The following KCMF1 variants were observed in gnomAD, a reference collection of about 807,000 sequenced individuals.
KCMF1 encodes potassium channel modulatory factor 1, also known as E3 ubiquitin-protein ligase KCMF1.
KCMF1 carries 3 observed loss-of-function variants against 41.1 expected under a neutral mutation model. The ratio of observed to expected loss-of-function variants is 0.07; its 90% CI spans 0.03 to 0.19. KCMF1 has a LOEUF of 0.19. Ranked by LOEUF, KCMF1 falls within the 10% of genes least tolerant of loss-of-function variation. The pLI, the probability that KCMF1 is intolerant of heterozygous loss-of-function variation, is 1.00. For missense variants in KCMF1, 286 were observed against 488.9 expected, an observed-to-expected ratio of 0.58 and a Z score of 3.91; for synonymous variants, 142 against 164.5, an observed-to-expected ratio of 0.86 and a Z score of 1.04.
At chr2:84,993,902 TTTTTGTTTTGTTTTGTTTTGTTTTG>T (rs199701778) in intron 1 of KCMF1, among the ~76,000 whole-genome samples, 9,470 of 135,338 alleles carry the variant, frequency 0.07, 589 homozygotes, top group East Asian at 0.34. Flanking sequence ...GTTTGAACAT[TTTTTGTTTTGTTTTGTTTTGTTTTG>T]TTTTGTTTTG....
chr2:85,023,958 A>G (rs1243139646), intron 1 of KCMF1, among the ~76,000 whole-genome samples: 1 of 152,132 alleles, frequency 6.6e-6, no homozygotes, highest in Non-Finnish European at 1.5e-5. Flanking sequence ...TTGATGACTA[A>G]TGAGATTGAG....
intron 3 of KCMF1, among the ~76,000 whole-genome samples, chr2:85,036,217 G>C (rs188537654): frequency 1.3e-5 from 2 of 152,194 alleles, no homozygotes; most frequent in Admixed American, 6.5e-5. Flanking sequence ...GCCAAATTTT[G>C]CTGTCTTAAC....
chr2:84,993,462 A>C (rs1043699387), intron 1 of KCMF1, among the ~76,000 whole-genome samples: 2 of 152,088 alleles, frequency 1.3e-5, no homozygotes. Flanking sequence ...ATGGACCGAG[A>C]TTAACACATA....
intron 2 of KCMF1, among the ~76,000 whole-genome samples, chr2:85,028,320 T>A (rs1448809385): frequency 1.3e-5 from 2 of 151,682 alleles, no homozygotes; most frequent in African/African-American, 4.8e-5. Flanking sequence ...GTAGCTGGGA[T>A]TACAGGTGCA....
intron 1 of KCMF1, among the ~76,000 whole-genome samples, chr2:85,024,508 G>T (rs1328390342): frequency 6.6e-6 from 1 of 151,346 alleles, no homozygotes; most frequent in East Asian, 1.9e-4. Context: ...TGAAGAAAAA[G>T]TCTTAACGTA....
intron 1 of KCMF1, among the ~76,000 whole-genome samples, chr2:85,014,725 G>A (rs1374123013): frequency 2.9e-5 from 3 of 104,144 alleles, no homozygotes; most frequent in African/African-American, 9.7e-5. Context: ...GCGTGCGTGC[G>A]TGTGTGTGTG....
rs1453907985 is a variant in KCMF1 at position 85,055,418 on chromosome 2, T to A, written c.*2009T>A. On this transcript the variant is annotated 3_prime_UTR_variant, in exon 7 of 7. Transcript: ENST00000409785. ...ATGCCAATTATATGTACTTTCCCTT[T>A]TCTGCACAAATTCTGGGAAAATGTA... 1 of 152,216 alleles carries A rather than the reference T, an allele frequency of 6.6e-6. No individual in the cohort carries two copies. 9.4% of individuals were successfully genotyped at this position (152,216 alleles called of 1,614,324 possible).
chr2:84,977,004 C>T (rs1334659114), intron 1 of KCMF1, among the ~76,000 whole-genome samples: 1 of 151,754 alleles, frequency 6.6e-6, no homozygotes, highest in Non-Finnish European at 1.5e-5. Context: ...CTAATTTTCT[C>T]TCTCTCTCTC....
intron 1 of KCMF1, among the ~76,000 whole-genome samples, chr2:84,972,834 A>G (rs1372850943): frequency 6.6e-6 from 1 of 152,234 alleles, no homozygotes. Context: ...AATATGAAAT[A>G]TACTATATTT....
At chr2:85,001,837 T>TC (rs1418935684) in intron 1 of KCMF1, among the ~76,000 whole-genome samples, 1 of 152,202 alleles carries the variant, frequency 6.6e-6, no homozygotes, top group African/African-American at 2.4e-5. Context: ...CGTGTGAATA[T>TC]CATAGTGTAC....
At chr2:84,989,611 A>G (rs1353464486) in intron 1 of KCMF1, among the ~76,000 whole-genome samples, 1 of 152,204 alleles carries the variant, frequency 6.6e-6, no homozygotes, top group Non-Finnish European at 1.5e-5. Context: ...AGAGGTGAGT[A>G]AGAGTCATAT....
intron 5 of KCMF1, among the ~76,000 whole-genome samples, chr2:85,047,722 A>C (rs1312784739): frequency 6.6e-6 from 1 of 152,128 alleles, no homozygotes; most frequent in African/African-American, 2.4e-5. Context: ...CTGTAGCCTG[A>C]TAATCTGCAA....
At chr2:85,030,533 A>C (rs988941429) in intron 2 of KCMF1, among the ~76,000 whole-genome samples, 1 of 152,164 alleles carries the variant, frequency 6.6e-6, no homozygotes, top group Non-Finnish European at 1.5e-5. Context: ...TAAAGGGCCA[A>C]CTTTATTCTT....
intron 1 of KCMF1, among the ~76,000 whole-genome samples, chr2:84,974,203 TC>T (rs138341701): frequency 0.024 from 3,680 of 152,270 alleles, 148 homozygotes; most frequent in African/African-American, 0.083. Context: ...AGTTCTCATT[TC>T]CTTTCAGTAG....
intron 1 of KCMF1, among the ~76,000 whole-genome samples, chr2:85,024,595 T>TGTGTGTGTGTGCGC (rs1675044332): frequency 6.6e-6 from 1 of 151,986 alleles, no homozygotes; most frequent in Non-Finnish European, 1.5e-5. Flanking sequence ...TGTGTGTGTG[T>TGTGTGTGTGTGCGC]GTGTGTGTGT....
intron 1 of KCMF1, among the ~76,000 whole-genome samples, chr2:84,975,841 C>G (rs17025759): frequency 0.098 from 14,942 of 152,202 alleles, 1,161 homozygotes; most frequent in East Asian, 0.34. Flanking sequence ...AAATTGCTCG[C>G]TGCTTATTAG....
chr2:85,025,225 AT>A (rs35148037), intron 1 of KCMF1, among the ~76,000 whole-genome samples: 1 of 152,132 alleles, frequency 6.6e-6, no homozygotes, highest in African/African-American at 2.4e-5. Context: ...TGGTATTTAT[AT>A]TTTTTAAAGT....
At chr2:85,017,348 T>G (rs1187388740) in intron 1 of KCMF1, among the ~76,000 whole-genome samples, 1 of 152,164 alleles carries the variant, frequency 6.6e-6, no homozygotes, top group Non-Finnish European at 1.5e-5. Flanking sequence ...CTTCTAAGGG[T>G]TGCACAATTT....
At chr2:84,972,499 T>TA (rs1299304500) in intron 1 of KCMF1, among the ~76,000 whole-genome samples, 2 of 152,236 alleles carry the variant, frequency 1.3e-5, no homozygotes, top group African/African-American at 2.4e-5. Context: ...TAAAAAGTGT[T>TA]AAGAGTCTTG....
Sources: gnomAD v4.1 joint callset for allele counts (sites outside exome capture counted in the v4.1 genomes callset) on GRCh38, gnomAD v4.1.1 for gene constraint, MANE v1.5 for transcripts, NCBI Gene and HGNC (gene_info 2026-07-23, HGNC 2026-07-21) for gene names.